PDZRN4: variants seen among roughly 807,000 people sequenced by gnomAD.
PDZRN4 encodes PDZ domain containing ring finger 4, also known as PDZ domain-containing RING finger protein 4.
A neutral mutation model predicts 99.0 loss-of-function variants in PDZRN4; 70 were observed. That is an observed-to-expected ratio of 0.71 (90% CI 0.58 to 0.86). The LOEUF is 0.86. PDZRN4 is among the 40% of genes least tolerant of loss of function. The pLI is 0.00. For synonymous variants in PDZRN4, 551 were observed against 501.6 expected (o/e 1.10, Z -1.32); for missense variants, 1,474 against 1,331.2 (o/e 1.11, Z -1.67).
chr12:41,192,791 T>C (rs1950743500), intron 2 of PDZRN4, among the ~76,000 whole-genome samples: 1 of 152,238 alleles, frequency 6.6e-6, no homozygotes, highest in Non-Finnish European at 1.5e-5. Flanking sequence ...TTTGATTGCA[T>C]GAATAATATT....
At chr12:41,500,293 G>A (rs1195117829) in intron 3 of PDZRN4, among the ~76,000 whole-genome samples, 1 of 152,056 alleles carries the variant, frequency 6.6e-6, no homozygotes, top group Admixed American at 6.6e-5. Context: ...GCTAAGGGAA[G>A]CTGCAACACC....
At chr12:41,395,823 A>G (rs1952242261) in intron 3 of PDZRN4, among the ~76,000 whole-genome samples, 1 of 152,174 alleles carries the variant, frequency 6.6e-6, no homozygotes, top group Non-Finnish European at 1.5e-5. Context: ...GCTGAATAGT[A>G]TATTAGGACA....
intron 3 of PDZRN4, among the ~76,000 whole-genome samples, chr12:41,204,893 T>C (rs952409123): frequency 6.6e-6 from 1 of 151,992 alleles, no homozygotes; most frequent in East Asian, 1.9e-4. Context: ...AAATATGTCA[T>C]CTTCCCTCTC....
chr12:41,227,734 A>C (rs1951003523), intron 3 of PDZRN4, among the ~76,000 whole-genome samples: 1 of 152,096 alleles, frequency 6.6e-6, no homozygotes, highest in Non-Finnish European at 1.5e-5. Flanking sequence ...GACCATGTGC[A>C]TATGAGATAT....
At chr12:41,283,555 C>G (rs756968517) in intron 3 of PDZRN4, among the ~76,000 whole-genome samples, 1 of 151,858 alleles carries the variant, frequency 6.6e-6, no homozygotes, top group African/African-American at 2.4e-5. Context: ...AGAGACACAA[C>G]AACAACAACA....
At position 41,317,048 on chromosome 12, in the gene PDZRN4, G is replaced by GTATACATACATATATA. The variant is rs374645706; in HGVS notation, c.843+122864_843+122865insCATACATATATATATA. Among the ~76,000 whole-genome samples, 513 of 69,576 alleles carry GTATACATACATATATA rather than the reference G, an allele frequency of 7.4e-3. 72 individuals carry two copies. The highest frequency in any genetic ancestry group is 0.012 in the Middle Eastern group (1 of 82). The allele number at this position is 69,576 out of a possible 152,430, so 45.6% of individuals were successfully genotyped here. On this transcript the variant is annotated intron_variant, in intron 3 of 9. Transcript: ENST00000402685. Reference sequence around the variant, plus strand: ...TCCAGAGAATCATAACTTACATAAAGTATATATATATATATATATATATAT... The same window carrying GTATACATACATATATA: ...TCCAGAGAATCATAACTTACATAAAGTATACATACATATATATATATATATATATATATATATATAT...
chr12:41,319,077 T>A (rs370682006), intron 3 of PDZRN4, among the ~76,000 whole-genome samples: 1 of 152,160 alleles, frequency 6.6e-6, no homozygotes, highest in Non-Finnish European at 1.5e-5. Context: ...AATTTTCACA[T>A]GCATCTTGAA....
chr12:41,274,917 A>T (rs1313549767), intron 3 of PDZRN4, among the ~76,000 whole-genome samples: 1 of 152,166 alleles, frequency 6.6e-6, no homozygotes, highest in East Asian at 1.9e-4. Flanking sequence ...AAAGTCTCCC[A>T]GTGAATTATT....
intron 3 of PDZRN4, among the ~76,000 whole-genome samples, chr12:41,240,731 T>C (rs1591981307): frequency 6.6e-6 from 1 of 152,210 alleles, no homozygotes; most frequent in Non-Finnish European, 1.5e-5. Flanking sequence ...CTTCGTGTTG[T>C]GTCCTCACAT....
intron 5 of PDZRN4, among the ~76,000 whole-genome samples, chr12:41,533,457 G>C (rs577312603): frequency 2.0e-5 from 3 of 152,194 alleles, no homozygotes; most frequent in Non-Finnish European, 4.4e-5. Flanking sequence ...ACAGGCGTGA[G>C]CCACTGAGCC....
intron 5 of PDZRN4, among the ~76,000 whole-genome samples, chr12:41,527,672 C>A (rs925141135): frequency 6.6e-6 from 1 of 152,160 alleles, no homozygotes; most frequent in Non-Finnish European, 1.5e-5. Context: ...AACCACTGAC[C>A]AAAGTCATTT....
chr12:41,563,694 T>G, intron 8 of PDZRN4, 45 bp downstream of exon 8: 3 of 1,176,050 alleles, frequency 2.6e-6, no homozygotes, highest in Non-Finnish European at 2.5e-6. Flanking sequence ...TTTATATTCA[T>G]TGAATTCACT....
chr12:41,546,149 T>C (rs544936108), intron 5 of PDZRN4, among the ~76,000 whole-genome samples: 92 of 152,328 alleles, frequency 6.0e-4, no homozygotes, highest in Admixed American at 1.7e-3. Flanking sequence ...GCAGTCACTA[T>C]GGTCGTCATG....
At chr12:41,413,366 G>A (rs1952414368) in intron 3 of PDZRN4, among the ~76,000 whole-genome samples, 1 of 152,146 alleles carries the variant, frequency 6.6e-6, no homozygotes, top group Admixed American at 6.5e-5. Context: ...GGCTGGGAAG[G>A]ACAGGGAGAA....
chr12:41,523,968 T>G (rs1223460873), intron 5 of PDZRN4, among the ~76,000 whole-genome samples: 2 of 152,144 alleles, frequency 1.3e-5, no homozygotes, highest in African/African-American at 4.8e-5. Flanking sequence ...TATACACTTA[T>G]GAAATCATCA....
Position 41,194,081 on chromosome 12 carries a change from A to G in PDZRN4, c.736A>G (p.Asn246Asp), listed in dbSNP as rs765826307. 2.0e-5 allele frequency: 27 copies of G among 1,384,040 alleles called. No individual in the cohort carries two copies. Among genetic ancestry groups the G allele is most frequent in the Non-Finnish European group, 2.6e-5 (26 of 986,090 alleles). The allele number at this position is 1,384,040 out of a possible 1,614,324, so 85.7% of individuals were successfully genotyped here. A position where few individuals can be genotyped will look rare whatever the true frequency, so the allele number is the denominator to read the frequency against. The change falls in exon 3 of 10, where the codon AAT (asparagine) becomes GAT (aspartate). Residue 246 changes from asparagine (N) to aspartate (D), a missense_variant and splice_region_variant. Asn to Asp is a conservative substitution (Grantham distance 23, BLOSUM62 1). Transcript: ENST00000402685. Reference protein sequence around the residue: ...FNIIGGRPNQNNQEGTSTEGI... With the variant: ...FNIIGGRPNQDNQEGTSTEGI... The stretch of plus-strand genomic sequence containing the variant: ...TCTGCTAATGATTTTTTAAAAATAG[A>G]ATAATCAGGAAGGAACATCGACTGA...
At chr12:41,411,054 T>C (rs1952394782) in intron 3 of PDZRN4, among the ~76,000 whole-genome samples, 1 of 122,412 alleles carries the variant, frequency 8.2e-6, no homozygotes, top group Non-Finnish European at 1.7e-5. Context: ...TTAAAATATA[T>C]ATATATATAT....
intron 5 of PDZRN4, among the ~76,000 whole-genome samples, chr12:41,515,241 T>C (rs1004694335): frequency 6.6e-6 from 1 of 152,074 alleles, no homozygotes; most frequent in African/African-American, 2.4e-5. Context: ...CCATATGTTA[T>C]CTGTATGTTG....
intron 2 of PDZRN4, 79 bp from the exon 3 acceptor site, chr12:41,194,002 G>A: frequency 1.4e-6 from 1 of 699,382 alleles, no homozygotes; most frequent in Non-Finnish European, 2.5e-6. Context: ...GATTGGTAAT[G>A]TTACATTTGG....
Sources: gnomAD v4.1 joint callset for allele counts (sites outside exome capture counted in the v4.1 genomes callset) on GRCh38, gnomAD v4.1.1 for gene constraint, MANE v1.5 for transcripts, NCBI Gene and HGNC (gene_info 2026-07-23, HGNC 2026-07-21) for gene names.